The following FOXP1 variants were observed in gnomAD, a reference collection of about 807,000 sequenced individuals.
FOXP1 encodes the protein forkhead box P1.
In FOXP1, 15 loss-of-function variants were observed where a neutral mutation model predicts 98.2. That is an observed-to-expected ratio of 0.15 (90% CI 0.10 to 0.24). The LOEUF (loss-of-function observed/expected upper bound fraction) is 0.24. Ranked by LOEUF, FOXP1 falls within the 10% of genes least tolerant of loss-of-function variation. The probability of loss-of-function intolerance (pLI) is 1.00; values close to 1 mark genes in which losing one functional copy is unlikely to be tolerated. For synonymous variants in FOXP1, 371 were observed against 314.5 expected (o/e 1.18, Z -1.90); for missense variants, 633 against 848.5 (o/e 0.75, Z 3.15).
At chr3:71,571,956 GTA>G (rs1559545576) in intron 2 of FOXP1, 1 of 152,092 alleles carries the variant, frequency 6.6e-6, no homozygotes, top group African/African-American at 2.4e-5. Flanking sequence ...TTTCATCTAA[GTA>G]TATCTTTATT....
intron 11 of FOXP1, among the ~76,000 whole-genome samples, chr3:71,023,032 GCAT>G (rs1559745130): frequency 6.6e-6 from 1 of 152,100 alleles, no homozygotes; most frequent in East Asian, 1.9e-4. Context: ...AAGGCACTAT[GCAT>G]CCCCTTTCCC....
chr3:71,285,126 C>T (rs1452212362), intron 5 of FOXP1, among the ~76,000 whole-genome samples: 1 of 152,008 alleles, frequency 6.6e-6, no homozygotes, highest in Admixed American at 6.6e-5. Context: ...GAACATTAAC[C>T]CCACTCCAAA....
chr3:71,299,324 C>A (rs1437768885), intron 5 of FOXP1, among the ~76,000 whole-genome samples: 1 of 152,226 alleles, frequency 6.6e-6, no homozygotes, highest in Non-Finnish European at 1.5e-5. Flanking sequence ...ATGCCCCACA[C>A]TGCTCAGCAG....
At chr3:71,005,362 C>G (rs1256808346) in intron 12 of FOXP1, among the ~76,000 whole-genome samples, 1 of 144,492 alleles carries the variant, frequency 6.9e-6, no homozygotes, top group Non-Finnish European at 1.5e-5. Flanking sequence ...AAGGAGTGCC[C>G]TTTATGAAGA....
At chr3:71,582,169 G>A (rs925413666) in intron 1 of FOXP1, 7 of 984,906 alleles carry the variant, frequency 7.1e-6, no homozygotes, top group Non-Finnish European at 8.4e-6. Flanking sequence ...GAGCCCGTGT[G>A]TGTCACTGCC....
At position 71,115,317 on chromosome 3, in the gene FOXP1, T is replaced by TTTATTTATTTA. The variant is rs1553745322; in HGVS notation, c.181-2681_181-2680insTAAATAAATAA. The stretch of plus-strand genomic sequence containing the variant: ...CACTCAATTATTATTATTATTATTA[T>TTTATTTATTTA]TTTATTTATTTATTTATTTATTTAT... On this transcript the variant is annotated intron_variant, in intron 6 of 20. Coordinates refer to ENST00000649528, the MANE Select transcript of FOXP1 (RefSeq NM_001349338.3). Among the ~76,000 whole-genome samples, 834 of 144,118 alleles carry TTTATTTATTTA rather than the reference T, an allele frequency of 5.8e-3. 10 individuals are homozygous for TTTATTTATTTA. Among genetic ancestry groups the TTTATTTATTTA allele is most frequent in the Non-Finnish European group, 0.01 (694 of 66,162 alleles). 94.5% of individuals were successfully genotyped at this position (144,118 alleles called of 152,430 possible).
intron 3 of FOXP1, among the ~76,000 whole-genome samples, chr3:71,374,804 T>C (rs35998013): frequency 6.6e-6 from 1 of 152,004 alleles, no homozygotes; most frequent in Admixed American, 6.5e-5. Flanking sequence ...CATGATGTGC[T>C]AGTAAAATAG....
intron 7 of FOXP1, among the ~76,000 whole-genome samples, chr3:71,106,393 T>C (rs2057426616): frequency 6.6e-6 from 1 of 152,202 alleles, no homozygotes; most frequent in Non-Finnish European, 1.5e-5. Context: ...TGGAGTGCAG[T>C]GGCGTGATCT....
chr3:70,970,502 TTAA>T (rs1161084187), intron 19 of FOXP1: 20 of 533,448 alleles, frequency 3.7e-5, no homozygotes, highest in Admixed American at 3.5e-4. Context: ...CTGATAAATA[TTAA>T]TAAGTGAACT....
intron 6 of FOXP1, among the ~76,000 whole-genome samples, chr3:71,141,784 TA>T (rs1014080073): frequency 6.6e-6 from 1 of 151,870 alleles, no homozygotes; most frequent in East Asian, 1.9e-4. Flanking sequence ...CAGCCTTCAT[TA>T]AAAAAAAGAA....
rs145311403 is a variant in FOXP1 at position 71,475,212 on chromosome 3, C to T, written c.-168+18214G>A. Among the ~76,000 whole-genome samples the T allele has an allele frequency of 1.7e-3, 263 of 152,180 alleles. 2 individuals are homozygous for T. The highest frequency in any genetic ancestry group is 5.4e-3 in the African/African-American group (226 of 41,512). ...TCTCTCCTGGATGCTAACCCCATGCCGTCCTATAATTTCCTATCATGTGCA... is the reference window on the plus strand; with the variant it reads ...TCTCTCCTGGATGCTAACCCCATGCTGTCCTATAATTTCCTATCATGTGCA... On this transcript the variant is annotated intron_variant, in intron 3 of 20. Transcript: ENST00000649528.
chr3:71,324,110 T>G (rs1263109873), intron 4 of FOXP1, among the ~76,000 whole-genome samples: 1 of 152,002 alleles, frequency 6.6e-6, no homozygotes, highest in Non-Finnish European at 1.5e-5. Flanking sequence ...ATTCATACTC[T>G]ATGTTCCTGA....
chr3:71,271,334 C>CT (rs1408841429), intron 5 of FOXP1, among the ~76,000 whole-genome samples: 2 of 152,160 alleles, frequency 1.3e-5, no homozygotes, highest in Admixed American at 1.3e-4. Context: ...ACAAAGACTT[C>CT]TTAAAGAATT....
chr3:71,278,646 T>C (rs2071177595), intron 5 of FOXP1, among the ~76,000 whole-genome samples: 1 of 151,924 alleles, frequency 6.6e-6, no homozygotes, highest in Admixed American at 6.6e-5. Flanking sequence ...CCAGGTATGG[T>C]GGTATGCACC....
chr3:71,523,966 A>C (rs972750144), intron 2 of FOXP1, among the ~76,000 whole-genome samples: 7 of 152,196 alleles, frequency 4.6e-5, no homozygotes, highest in African/African-American at 1.7e-4. Flanking sequence ...GTGTCCATGT[A>C]ACTACTGGAA....
chr3:71,388,632 C>T (rs989670984), intron 3 of FOXP1, among the ~76,000 whole-genome samples: 2 of 151,932 alleles, frequency 1.3e-5, no homozygotes, highest in Non-Finnish European at 2.9e-5. Context: ...CACAAGGTAA[C>T]ACTTAGTTGC....
intron 6 of FOXP1, among the ~76,000 whole-genome samples, chr3:71,183,090 C>A (rs2062427084): frequency 6.6e-6 from 1 of 151,856 alleles, no homozygotes; most frequent in Non-Finnish European, 1.5e-5. Flanking sequence ...TTGTAAATAC[C>A]ATTACAATGA....
chr3:71,470,433 G>GACTTGAGTCAAAGCCAAAT (rs1385897895), intron 3 of FOXP1, among the ~76,000 whole-genome samples: 1 of 152,122 alleles, frequency 6.6e-6, no homozygotes, highest in Non-Finnish European at 1.5e-5. Context: ...AAATCCTAAT[G>GACTTGAGTCAAAGCCAAAT]GCTTTCCTTA....
intron 18 of FOXP1, 37 bp from the exon 19 acceptor site, chr3:70,970,842 C>A (rs2107158094): frequency 6.7e-7 from 1 of 1,491,778 alleles, no homozygotes; most frequent in Non-Finnish European, 9.4e-7. Flanking sequence ...AAGTTAAACA[C>A]AGTCGACTGC....
Sources: gnomAD v4.1 joint callset for allele counts (sites outside exome capture counted in the v4.1 genomes callset) on GRCh38, gnomAD v4.1.1 for gene constraint, MANE v1.5 for transcripts, NCBI Gene and HGNC (gene_info 2026-07-23, HGNC 2026-07-21) for gene names.